The following ATXN1 variants were observed in gnomAD, a reference collection of about 807,000 sequenced individuals.
ATXN1 encodes the protein ataxin 1.
ATXN1 carries 8 observed loss-of-function variants against 56.4 expected under a neutral mutation model. The observed-to-expected ratio is 0.14, with a 90% confidence interval of 0.08 to 0.26. The LOEUF (loss-of-function observed/expected upper bound fraction) is 0.26, where lower values mean the gene tolerates loss of function less well. Ranked by LOEUF, ATXN1 falls within the 10% of genes least tolerant of loss-of-function variation. ATXN1 has a pLI of 1.00. For synonymous variants in ATXN1, 514 were observed against 494.6 expected, an observed-to-expected ratio of 1.04 and a Z score of -0.52; for missense variants, 987 against 1,106.5, an observed-to-expected ratio of 0.89 and a Z score of 1.53.
intron 3 of ATXN1, among the ~76,000 whole-genome samples, chr6:16,612,253 GA>G (rs1348941265): frequency 6.6e-6 from 1 of 152,102 alleles, no homozygotes; most frequent in African/African-American, 2.4e-5. Context: ...GATTTAATTA[GA>G]GCATGCATCT....
intron 5 of ATXN1, among the ~76,000 whole-genome samples, chr6:16,511,280 T>G (rs939620653): frequency 6.6e-6 from 1 of 152,168 alleles, no homozygotes; most frequent in Non-Finnish European, 1.5e-5. Flanking sequence ...GGCATTAACA[T>G]GTGAATAAAA....
chr6:16,330,327 C>T (rs1315948350), intron 6 of ATXN1, among the ~76,000 whole-genome samples: 1 of 151,946 alleles, frequency 6.6e-6, no homozygotes, highest in Non-Finnish European at 1.5e-5. Flanking sequence ...CCTTTCTCTA[C>T]TCTGCCCCCT....
chr6:16,311,423 C>T (rs545646856), intron 7 of ATXN1, among the ~76,000 whole-genome samples: 3 of 152,310 alleles, frequency 2.0e-5, no homozygotes, highest in Non-Finnish European at 4.4e-5. Flanking sequence ...CTGCTACCCC[C>T]CAACAGTGGT....
At chr6:16,344,559 CG>C (rs1761336200) in intron 6 of ATXN1, among the ~76,000 whole-genome samples, 1 of 152,204 alleles carries the variant, frequency 6.6e-6, no homozygotes. Context: ...TTCCTGCCCT[CG>C]AACACCCGAC....
chr6:16,641,149 G>A (rs77461267), intron 3 of ATXN1, among the ~76,000 whole-genome samples: 18 of 152,236 alleles, frequency 1.2e-4, no homozygotes, highest in African/African-American at 3.4e-4. Context: ...AAGTTGGTTC[G>A]TGAGATTTAA....
chr6:16,579,490 C>T (rs937731602), intron 4 of ATXN1, among the ~76,000 whole-genome samples: 2 of 42,866 alleles, frequency 4.7e-5, no homozygotes, highest in African/African-American at 1.7e-4. Context: ...GCCCCCCCCC[C>T]CCACCCGCCG....
At chr6:16,585,709 C>T (rs1186961054) in intron 4 of ATXN1, 71 bp downstream of exon 4, 2 of 152,036 alleles carry the variant, frequency 1.3e-5, no homozygotes, top group African/African-American at 4.8e-5. Flanking sequence ...TGTATACACC[C>T]CCACCACTAT....
At position 16,304,359 on chromosome 6, in the gene ATXN1, T is replaced by G. The variant is rs1760185127; in HGVS notation, c.*1970A>C. Reference sequence around the variant, plus strand: ...ACCCACAAATGATATTTCGGATCTCTGGGAATGAAAGGTTTAAAAACTATG... The same window carrying G: ...ACCCACAAATGATATTTCGGATCTCGGGGAATGAAAGGTTTAAAAACTATG... On this transcript the variant is annotated 3_prime_UTR_variant, in exon 8 of 8. Transcript: ENST00000436367. The G allele has an allele frequency of 6.6e-6, 1 of 152,492 alleles. No individual in the cohort carries two copies. The highest frequency in any genetic ancestry group is 2.1e-4 in the South Asian group (1 of 4,826). The allele number at this position is 152,492 out of a possible 1,614,324, so 9.4% of individuals were successfully genotyped here. A position where few individuals can be genotyped will look rare whatever the true frequency, so the allele number is the denominator to read the frequency against.
intron 3 of ATXN1, chr6:16,615,924 T>G (rs996733565): frequency 9.9e-5 from 15 of 151,880 alleles, no homozygotes; most frequent in African/African-American, 3.6e-4. Flanking sequence ...TCCCAGATAT[T>G]TGGGAGTCTG....
At chr6:16,365,360 T>C (rs377059564) in intron 6 of ATXN1, among the ~76,000 whole-genome samples, 1 of 152,214 alleles carries the variant, frequency 6.6e-6, no homozygotes, top group East Asian at 1.9e-4. Flanking sequence ...GTATTTTTAG[T>C]AGAGATGGGG....
intron 2 of ATXN1, among the ~76,000 whole-genome samples, chr6:16,682,972 G>A (rs1003996090): frequency 1.3e-5 from 2 of 152,166 alleles, no homozygotes; most frequent in Non-Finnish European, 2.9e-5. Context: ...CTACCAACAT[G>A]GGTCAGGAAG....
At chr6:16,616,596 A>G (rs1406980507) in intron 3 of ATXN1, among the ~76,000 whole-genome samples, 5 of 145,528 alleles carry the variant, frequency 3.4e-5, no homozygotes, top group African/African-American at 7.5e-5. Flanking sequence ...ATAATATATT[A>G]TATACTATAT....
At chr6:16,538,711 A>G (rs1761653991) in intron 4 of ATXN1, among the ~76,000 whole-genome samples, 1 of 151,254 alleles carries the variant, frequency 6.6e-6, no homozygotes, top group African/African-American at 2.4e-5. Flanking sequence ...CGATTGAGAT[A>G]GTCTCGCTCT....
At chr6:16,405,562 C>G (rs1758669074) in intron 6 of ATXN1, among the ~76,000 whole-genome samples, 1 of 152,192 alleles carries the variant, frequency 6.6e-6, no homozygotes, top group Admixed American at 6.5e-5. Flanking sequence ...ATAAAACAAT[C>G]TGTTTGAAAA....
chr6:16,669,501 T>C (rs904609358), intron 2 of ATXN1, among the ~76,000 whole-genome samples: 2 of 152,192 alleles, frequency 1.3e-5, no homozygotes, highest in Admixed American at 6.5e-5. Flanking sequence ...GCAACAATTA[T>C]AGTTCACAAA....
chr6:16,385,617 T>C (rs946827273), intron 6 of ATXN1, among the ~76,000 whole-genome samples: 1 of 152,254 alleles, frequency 6.6e-6, no homozygotes, highest in Admixed American at 6.5e-5. Flanking sequence ...TTTCTCGTTT[T>C]ACTTCTAGGA....
chr6:16,744,615 T>G, intron 2 of ATXN1, among the ~76,000 whole-genome samples: 1 of 150,394 alleles, frequency 6.6e-6, no homozygotes, highest in African/African-American at 2.5e-5. Flanking sequence ...AATCAAGGAG[T>G]GAGGGGCAGG....
chr6:16,668,173 G>GT (rs887946460), intron 2 of ATXN1, among the ~76,000 whole-genome samples: 10 of 151,906 alleles, frequency 6.6e-5, no homozygotes, highest in South Asian at 2.1e-4. Context: ...ACACTGGCAT[G>GT]TTTTTTTTGT....
At chr6:16,614,719 T>C (rs1283257013) in intron 3 of ATXN1, among the ~76,000 whole-genome samples, 1 of 151,494 alleles carries the variant, frequency 6.6e-6, no homozygotes, top group Admixed American at 6.6e-5. Flanking sequence ...GGTCAGGAGT[T>C]TGAGACCAGC....
Sources: gnomAD v4.1 joint callset for allele counts (sites outside exome capture counted in the v4.1 genomes callset) on GRCh38, gnomAD v4.1.1 for gene constraint, MANE v1.5 for transcripts, NCBI Gene and HGNC (gene_info 2026-07-23, HGNC 2026-07-21) for gene names.